The following SCAPER variants were observed in gnomAD, a reference collection of about 807,000 sequenced individuals.
The protein encoded by SCAPER is S-phase cyclin A associated protein in the ER.
A neutral mutation model predicts 182.2 loss-of-function variants in SCAPER; 98 were observed. The ratio of observed to expected loss-of-function variants is 0.54; its 90% CI spans 0.46 to 0.64. SCAPER has a LOEUF of 0.64. Ranked by LOEUF, SCAPER falls within the 30% of genes least tolerant of loss-of-function variation. The probability of loss-of-function intolerance (pLI) is 0.00; values close to 1 mark genes in which losing one functional copy is unlikely to be tolerated. For synonymous variants in SCAPER, 605 were observed against 564.6 expected (o/e 1.07, Z -1.01); for missense variants, 1,432 against 1,690.0 (o/e 0.85, Z 2.68).
chr15:76,425,600 CCTT>C (rs2046365632), intron 26 of SCAPER, among the ~76,000 whole-genome samples: 1 of 152,146 alleles, frequency 6.6e-6, no homozygotes, highest in African/African-American at 2.4e-5. Flanking sequence ...TTGTCTGAAG[CCTT>C]CTTCTCTCAA....
At chr15:76,880,273 A>G (rs1415336540) in intron 2 of SCAPER, among the ~76,000 whole-genome samples, 1 of 152,230 alleles carries the variant, frequency 6.6e-6, no homozygotes, top group Non-Finnish European at 1.5e-5. Context: ...TAGAAATACA[A>G]AAGACAGTTG....
chr15:76,487,714 G>T (rs2051795530), intron 24 of SCAPER, among the ~76,000 whole-genome samples: 1 of 151,996 alleles, frequency 6.6e-6, no homozygotes, highest in Non-Finnish European at 1.5e-5. Context: ...AAAACCTCTA[G>T]GATTTAGATA....
chr15:76,774,756 A>G, intron 9 of SCAPER, 99 bp downstream of exon 9: 2 of 1,319,512 alleles, frequency 1.5e-6, no homozygotes, highest in Non-Finnish European at 2.0e-6. Context: ...AAATTTTCAC[A>G]GTAAGTTAAA....
At chr15:76,432,117 T>C (rs893788698) in intron 26 of SCAPER, among the ~76,000 whole-genome samples, 7 of 152,210 alleles carry the variant, frequency 4.6e-5, no homozygotes, top group African/African-American at 1.7e-4. Flanking sequence ...GTTGTCTGGA[T>C]GACAAGCATG....
intron 2 of SCAPER, among the ~76,000 whole-genome samples, chr15:76,873,515 T>C (rs1028007487): frequency 6.6e-6 from 1 of 152,114 alleles, no homozygotes; most frequent in Non-Finnish European, 1.5e-5. Context: ...CAGGAAAACA[T>C]ATCAATGTCA....
intron 27 of SCAPER, among the ~76,000 whole-genome samples, chr15:76,395,284 T>C (rs2043973769): frequency 6.6e-6 from 1 of 152,238 alleles, no homozygotes; most frequent in Non-Finnish European, 1.5e-5. Flanking sequence ...ATCTTGGCTA[T>C]TGGGAACAGT....
intron 8 of SCAPER, among the ~76,000 whole-genome samples, chr15:76,784,701 G>A (rs1485752752): frequency 6.6e-6 from 1 of 152,090 alleles, no homozygotes; most frequent in Non-Finnish European, 1.5e-5. Flanking sequence ...TAGACCAATG[G>A]AACAGAACAG....
At chr15:76,677,807 T>G (rs995476489) in intron 20 of SCAPER, among the ~76,000 whole-genome samples, 12 of 151,464 alleles carry the variant, frequency 7.9e-5, no homozygotes, top group Non-Finnish European at 1.5e-5. Context: ...GTTTATGACC[T>G]TGATAGTCTA....
intron 23 of SCAPER, among the ~76,000 whole-genome samples, chr15:76,509,098 A>T (rs2041827299): frequency 6.6e-6 from 1 of 152,146 alleles, no homozygotes; most frequent in Admixed American, 6.5e-5. Flanking sequence ...ACAAATAAGG[A>T]TTCCAGATAA....
At chr15:76,583,973 G>A (rs2048448969) in intron 22 of SCAPER, among the ~76,000 whole-genome samples, 1 of 152,122 alleles carries the variant, frequency 6.6e-6, no homozygotes, top group African/African-American at 2.4e-5. Context: ...GTTCTCCCAT[G>A]TTTATTGCAG....
intron 21 of SCAPER, among the ~76,000 whole-genome samples, chr15:76,646,504 A>C (rs1011709632): frequency 6.6e-6 from 1 of 152,142 alleles, no homozygotes; most frequent in Non-Finnish European, 1.5e-5. Context: ...ACCTCTACAC[A>C]AACTGCAGCT....
intron 23 of SCAPER, chr15:76,567,420 T>C (rs894195892): frequency 9.4e-6 from 4 of 424,912 alleles, no homozygotes; most frequent in Admixed American, 2.6e-5. Context: ...AAGTGAAATA[T>C]GATACACATG....
intron 22 of SCAPER, among the ~76,000 whole-genome samples, chr15:76,609,046 G>C (rs1330707277): frequency 6.6e-6 from 1 of 152,162 alleles, no homozygotes; most frequent in Non-Finnish European, 1.5e-5. Context: ...CCTACTGTCT[G>C]GCACTCCCCA....
chr15:76,542,874 C>G (rs2044895912), intron 23 of SCAPER, among the ~76,000 whole-genome samples: 1 of 152,072 alleles, frequency 6.6e-6, no homozygotes, highest in South Asian at 2.1e-4. Context: ...CAGAAAGTTT[C>G]CATGCTTAAT....
intron 23 of SCAPER, among the ~76,000 whole-genome samples, chr15:76,539,591 C>G (rs1420280992): frequency 4.3e-5 from 6 of 138,030 alleles, no homozygotes; most frequent in Non-Finnish European, 7.6e-5. Context: ...GTCTCCCAGG[C>G]TGGAGTGCTG....
At chr15:76,481,669 T>C (rs533741795) in intron 24 of SCAPER, among the ~76,000 whole-genome samples, 1 of 152,208 alleles carries the variant, frequency 6.6e-6, no homozygotes, top group Admixed American at 6.5e-5. Flanking sequence ...CTTTTCCTCA[T>C]CCCAATTATA....
At chr15:76,444,824 G>GT (rs1447135093) in intron 25 of SCAPER, among the ~76,000 whole-genome samples, 2 of 152,088 alleles carry the variant, frequency 1.3e-5, no homozygotes, top group Non-Finnish European at 2.9e-5. Context: ...TTTCTCTGTT[G>GT]TTCTTCAGAT....
chr15:76,868,661 G>T (rs1248338197), intron 2 of SCAPER, among the ~76,000 whole-genome samples: 1 of 152,036 alleles, frequency 6.6e-6, no homozygotes, highest in Non-Finnish European at 1.5e-5. Flanking sequence ...AAAATGGAAA[G>T]ATATTTCATG....
chr15:76,706,056 A>T lies in SCAPER; in HGVS notation c.2166-72T>A, dbSNP rs1014071983. On this transcript the variant is annotated intron_variant, in intron 17 of 31. Coordinates refer to ENST00000563290, the MANE Select transcript of SCAPER (RefSeq NM_020843.4). ...AAATCTCATGAGACTCAAAAATACA[A>T]TTAGGACACATAGGGTCATATAGTC... 1.9e-5 allele frequency: 22 copies of T among 1,173,956 alleles called. No individual in the cohort carries two copies. In the African/African-American group the frequency reaches 3.1e-4, roughly 17 times the overall value. The allele number at this position is 1,173,956 out of a possible 1,614,324, so 72.7% of individuals were successfully genotyped here.
Sources: allele counts gnomAD v4.1 joint callset (sites outside exome capture counted in the v4.1 genomes callset), GRCh38; gene constraint gnomAD v4.1.1; transcripts MANE v1.5; gene names NCBI Gene and HGNC (gene_info 2026-07-23, HGNC 2026-07-21).